The following RBFOX1 variants were observed in gnomAD, a reference collection of about 807,000 sequenced individuals.
RBFOX1 encodes the protein RNA binding fox-1 homolog 1.
In RBFOX1, 8 loss-of-function variants were observed where a neutral mutation model predicts 57.7. The observed-to-expected ratio is 0.14, with a 90% CI of 0.08 to 0.25. The LOEUF is 0.25. Among genes scored for constraint, RBFOX1 ranks in the 10% least tolerant of loss-of-function variants. RBFOX1 has a pLI of 1.00. For synonymous variants in RBFOX1, 326 were observed against 222.4 expected, an observed-to-expected ratio of 1.47 and a Z score of -4.15; for missense variants, 611 against 548.5, an observed-to-expected ratio of 1.11 and a Z score of -1.14.
At chr16:5,803,727 T>C (rs752636592) in intron 3 of RBFOX1, among the ~76,000 whole-genome samples, 16 of 152,140 alleles carry the variant, frequency 1.1e-4, no homozygotes, top group Non-Finnish European at 2.1e-4. Flanking sequence ...TATATCAGAG[T>C]GAATAGGATG....
At chr16:6,461,736 A>C (rs1444189934) in intron 2 of RBFOX1, among the ~76,000 whole-genome samples, 1 of 152,140 alleles carries the variant, frequency 6.6e-6, no homozygotes, top group Admixed American at 6.6e-5. Context: ...TTAATGGGAT[A>C]ATTTTAGGTG....
chr16:6,981,307 C>G (rs868280898), intron 3 of RBFOX1, among the ~76,000 whole-genome samples: 45 of 152,088 alleles, frequency 3.0e-4, no homozygotes, highest in African/African-American at 1.0e-3. Flanking sequence ...GTTTTGTCCC[C>G]CTCTATGTGT....
chr16:7,166,599 C>G (rs897984117), intron 4 of RBFOX1, among the ~76,000 whole-genome samples: 1 of 152,096 alleles, frequency 6.6e-6, no homozygotes, highest in Non-Finnish European at 1.5e-5. Flanking sequence ...GGCTGTGTGC[C>G]TTGTTGTTGT....
At chr16:6,776,964 A>T (rs1444612629) in intron 3 of RBFOX1, among the ~76,000 whole-genome samples, 1 of 152,202 alleles carries the variant, frequency 6.6e-6, no homozygotes, top group Admixed American at 6.5e-5. Context: ...GAGAGGTTGA[A>T]ATTTATTTAC....
intron 9 of RBFOX1, among the ~76,000 whole-genome samples, chr16:7,606,520 G>A (rs1395230314): frequency 6.6e-6 from 1 of 152,128 alleles, no homozygotes; most frequent in African/African-American, 2.4e-5. Flanking sequence ...CCTAAATAAT[G>A]CCCAGCATAT....
intron 14 of RBFOX1, among the ~76,000 whole-genome samples, chr16:7,690,455 T>C (rs867458425): frequency 3.9e-5 from 6 of 152,094 alleles, no homozygotes; most frequent in African/African-American, 1.2e-4. Flanking sequence ...GCAGCCAAGG[T>C]TGAGAACGAC....
intron 2 of RBFOX1, among the ~76,000 whole-genome samples, chr16:6,485,532 G>A (rs996679910): frequency 6.8e-6 from 1 of 147,122 alleles, no homozygotes; most frequent in Admixed American, 6.8e-5. Context: ...GATCACCAGA[G>A]CCTGTTTTTC....
intron 5 of RBFOX1, among the ~76,000 whole-genome samples, chr16:7,567,590 GC>G (rs1567868395): frequency 3.5e-5 from 2 of 56,372 alleles, no homozygotes; most frequent in Non-Finnish European, 8.0e-5. Context: ...CCTATATATG[GC>G]CCTATATATA....
intron 2 of RBFOX1, among the ~76,000 whole-genome samples, chr16:6,485,857 G>A (rs1046691659): frequency 1.3e-5 from 2 of 152,044 alleles, no homozygotes; most frequent in African/African-American, 4.8e-5. Context: ...TAATTTTAGA[G>A]TCTGGATTCA....
chr16:6,674,177 G>T (rs910318594), intron 3 of RBFOX1, among the ~76,000 whole-genome samples: 1 of 152,100 alleles, frequency 6.6e-6, no homozygotes, highest in African/African-American at 2.4e-5. Context: ...AAGATATGTT[G>T]AAGTCCTAGC....
chr16:5,685,348 A>G (rs1208454188), intron 3 of RBFOX1, among the ~76,000 whole-genome samples: 2 of 152,162 alleles, frequency 1.3e-5, no homozygotes, highest in Admixed American at 1.3e-4. Context: ...CAAGTAAGTC[A>G]TTTGTCATGG....
chr16:6,131,657 C>A (rs1296939981), intron 1 of RBFOX1, among the ~76,000 whole-genome samples: 1 of 152,178 alleles, frequency 6.6e-6, no homozygotes, highest in Non-Finnish European at 1.5e-5. Context: ...TAGCTACTCT[C>A]TTTGGTCATA....
chr16:7,165,966 A>ACACACACG, intron 4 of RBFOX1, among the ~76,000 whole-genome samples: 1 of 147,752 alleles, frequency 6.8e-6, no homozygotes, highest in Non-Finnish European at 1.5e-5. Flanking sequence ...ACACACACAC[A>ACACACACG]TACATACATA....
intron 2 of RBFOX1, among the ~76,000 whole-genome samples, chr16:6,613,216 C>T (rs532261408): frequency 3.9e-5 from 6 of 152,104 alleles, no homozygotes; most frequent in African/African-American, 1.2e-4. Context: ...GCAGCTCCCC[C>T]ACTGTGCACT....
intron 4 of RBFOX1, among the ~76,000 whole-genome samples, chr16:7,415,489 G>A (rs138382763): frequency 1.5e-4 from 23 of 152,318 alleles, no homozygotes; most frequent in African/African-American, 5.5e-4. Context: ...AAGGCAGACA[G>A]AATGGCAATG....
intron 1 of RBFOX1, among the ~76,000 whole-genome samples, chr16:5,287,304 A>C (rs1182495798): frequency 1.4e-5 from 2 of 148,082 alleles, no homozygotes; most frequent in Non-Finnish European, 3.0e-5. Flanking sequence ...ACCCCGTTTC[A>C]AAAAAAAAAA....
At chr16:7,010,416 T>C (rs1033783007) in intron 3 of RBFOX1, among the ~76,000 whole-genome samples, 1 of 152,176 alleles carries the variant, frequency 6.6e-6, no homozygotes, top group Non-Finnish European at 1.5e-5. Flanking sequence ...ATTATATGCA[T>C]TGGCCAGTGA....
At chr16:7,572,014 C>CAG (rs1299608844) in intron 5 of RBFOX1, among the ~76,000 whole-genome samples, 2 of 152,276 alleles carry the variant, frequency 1.3e-5, no homozygotes, top group East Asian at 3.9e-4. Context: ...GTAGTCCCAG[C>CAG]TACTGGGGAG....
chr16:6,506,027 G>T (rs1349408980), intron 2 of RBFOX1, among the ~76,000 whole-genome samples: 1 of 152,164 alleles, frequency 6.6e-6, no homozygotes, highest in East Asian at 1.9e-4. Flanking sequence ...TGGGATAGGT[G>T]ACCTAAAGGA....
Sources: allele counts gnomAD v4.1 joint callset (sites outside exome capture counted in the v4.1 genomes callset), GRCh38; gene constraint gnomAD v4.1.1; transcripts MANE v1.5; gene names NCBI Gene and HGNC (gene_info 2026-07-23, HGNC 2026-07-21).